MYO19: variants seen among roughly 807,000 people sequenced by gnomAD.
MYO19 encodes the protein myosin XIX.
A neutral mutation model predicts 129.2 loss-of-function variants in MYO19; 132 were observed. That is an observed-to-expected ratio of 1.02 (90% CI 0.89 to 1.18). The LOEUF is 1.18. MYO19 is among the 50% of genes most tolerant of loss of function. The pLI is 0.00. For missense variants in MYO19, 1,210 were observed against 1,216.7 expected (o/e 0.99, Z 0.08); for synonymous variants, 531 against 477.2 (o/e 1.11, Z -1.47).
At chr17:36,530,421 A>AG (rs774981529) in intron 3 of MYO19, among the ~76,000 whole-genome samples, 3 of 151,210 alleles carry the variant, frequency 2.0e-5, no homozygotes, top group Non-Finnish European at 4.4e-5. Context: ...ATCTGCCAAA[A>AG]GGGGTTAGCT....
chr17:36,514,276 G>A (rs371273336), intron 9 of MYO19, among the ~76,000 whole-genome samples, 170 bp downstream of exon 9: 19 of 152,204 alleles, frequency 1.2e-4, no homozygotes, highest in African/African-American at 3.4e-4. Flanking sequence ...GAGCCAAGGC[G>A]CAGTGTGAGG....
In MYO19 at chr17:36,510,745, C is replaced by A; in HGVS notation, c.1157+1G>T. On this transcript the variant is annotated splice_donor_variant, in intron 13 of 25. Transcript: ENST00000614623. LOFTEE classifies it high-confidence loss of function. ...AACAAGGGGCCAGAGTAACTGCTCA[C>A]CGCGCATAGATCAGTTTGGCCAGGC... The A allele has an allele frequency of 6.2e-7, 1 of 1,600,018 alleles. No homozygotes were observed. The highest frequency in any genetic ancestry group is 8.5e-7 in the Non-Finnish European group (1 of 1,171,828).
chr17:36,513,930 C>T (rs2072551663), intron 9 of MYO19, among the ~76,000 whole-genome samples: 1 of 152,216 alleles, frequency 6.6e-6, no homozygotes, highest in South Asian at 2.1e-4. Flanking sequence ...GCAAAAGAAC[C>T]TTGCTCTAGG....
At chr17:36,516,100 G>T in intron 6 of MYO19, 110 bp from the exon 7 acceptor site, 1 of 1,291,850 alleles carries the variant, frequency 7.7e-7, no homozygotes, top group Non-Finnish European at 1.0e-6. Flanking sequence ...GTGTGTTGCT[G>T]ACAAAATGGG....
chr17:36,544,611 C>T (rs908218689), upstream of MYO19, among the ~76,000 whole-genome samples: 1 of 152,214 alleles, frequency 6.6e-6, no homozygotes, highest in East Asian at 1.9e-4. Flanking sequence ...ACATAGACGA[C>T]ACCCTGACGT....
chr17:36,508,116 C>T (rs1421525228), intron 14 of MYO19, 192 bp from the exon 15 acceptor site: 2 of 513,262 alleles, frequency 3.9e-6, no homozygotes, highest in South Asian at 3.9e-5. Flanking sequence ...TGGCTCCCAT[C>T]TCTACCCCAT....
rs755634326 is a variant in MYO19, at chr17:36,515,866, T to C, written c.539A>G (p.Glu180Gly). The change falls in exon 7 of 26, where the codon GAA (glutamate) becomes GGA (glycine). Residue 180 changes from glutamate (E) to glycine (G), a missense_variant. Coordinates refer to ENST00000614623, the MANE Select transcript of MYO19 (RefSeq NM_001163735.2). ...AAGGAGCCCAAGCTCACCAAAAGCT[T>C]CCATGACAGGGTTGGAGTTCAGGAT... Reference protein sequence around the residue: ...QRILNSNPVMEAFGNACTLRN... With the variant: ...QRILNSNPVMGAFGNACTLRN... 6.2e-7 allele frequency: 1 copy of C among 1,612,328 alleles called. No individual in the cohort carries two copies. The highest frequency in any genetic ancestry group is 8.5e-7 in the Non-Finnish European group (1 of 1,178,612).
Position 36,498,310 on chromosome 17 carries a change from C to T in MYO19, c.2713G>A (p.Ala905Thr). 1.9e-6 allele frequency: 3 copies of T among 1,613,954 alleles called. No homozygotes were observed. Among genetic ancestry groups the T allele is most frequent in the Non-Finnish European group, 2.5e-6 (3 of 1,179,900 alleles). The change falls in exon 25 of 26, where the codon GCA becomes ACA. Residue 905 changes from alanine to threonine, a missense_variant. Physicochemically the swap from Ala to Thr is moderately conservative, Grantham distance 58 (BLOSUM62 0). Coordinates refer to ENST00000614623, the MANE Select transcript of MYO19 (RefSeq NM_001163735.2). ...GSPSSYTVQT[A>T]QDQAGVTSIR... ...GACGTGACACCAGCCTGGTCTTGTG[C>T]TGTCTGGACAGTGTAGCTACTGGGG...
chr17:36,514,634 T>C (rs2072613570), intron 8 of MYO19, 86 bp from the exon 9 acceptor site: 2 of 882,518 alleles, frequency 2.3e-6, no homozygotes, highest in Non-Finnish European at 1.9e-6. Flanking sequence ...GATTGCCTGC[T>C]ACCTGGCAAC....
chr17:36,541,008 A>G (rs2074194778), intron 2 of MYO19, among the ~76,000 whole-genome samples: 1 of 150,840 alleles, frequency 6.6e-6, no homozygotes, highest in African/African-American at 2.4e-5. Context: ...TTTTTTTTTG[A>G]GGCGCAGTCT....
chr17:36,518,061 G>A (rs2072874460), intron 6 of MYO19, among the ~76,000 whole-genome samples: 1 of 150,386 alleles, frequency 6.6e-6, no homozygotes, highest in Non-Finnish European at 1.5e-5. Flanking sequence ...TTGCACTCCA[G>A]CCTGGGCAAC....
upstream of MYO19, chr17:36,537,559 C>T (rs1345798353): frequency 6.2e-7 from 1 of 1,613,908 alleles, no homozygotes; most frequent in African/African-American, 1.3e-5. Flanking sequence ...CCACTTTTTC[C>T]CAGAAGATTT....
intron 14 of MYO19, 53 bp downstream of exon 14, chr17:36,509,009 G>A (rs1265246116): frequency 6.5e-7 from 1 of 1,528,324 alleles, no homozygotes; most frequent in Non-Finnish European, 9.0e-7. Flanking sequence ...TCTCCATCCA[G>A]GGCTTTATTG....
chr17:36,516,280 TA>T (rs1355037678), intron 6 of MYO19, among the ~76,000 whole-genome samples: 1 of 152,226 alleles, frequency 6.6e-6, no homozygotes, highest in African/African-American at 2.4e-5. Context: ...TACAATTGTT[TA>T]TAAACAATAA....
Position 36,501,055 on chromosome 17 carries a change from C to G in MYO19, c.2247+14G>C. On this transcript the variant is annotated intron_variant, in intron 22 of 25. Coordinates refer to ENST00000614623, the MANE Select transcript of MYO19 (RefSeq NM_001163735.2). Reference sequence around the variant, plus strand: ...GCTTGCCTCTGTAACCTCCTCATCCCCAAACCAGCTCACCATAGAGTCAGT... The same window carrying G: ...GCTTGCCTCTGTAACCTCCTCATCCGCAAACCAGCTCACCATAGAGTCAGT... 1 of 1,606,156 alleles carries G rather than the reference C, an allele frequency of 6.2e-7. No homozygotes were observed. The highest frequency in any genetic ancestry group is 1.1e-5 in the South Asian group (1 of 90,700).
upstream of MYO19, chr17:36,537,902 C>T (rs752485582): frequency 5.0e-6 from 8 of 1,614,034 alleles, no homozygotes; most frequent in East Asian, 4.5e-5. Flanking sequence ...TTGCCCTCGG[C>T]ATTACTGTAT....
upstream of MYO19, chr17:36,537,416 C>T (rs762452275): frequency 3.1e-6 from 5 of 1,613,984 alleles, no homozygotes; most frequent in Non-Finnish European, 4.2e-6. Flanking sequence ...CCTGCTATGC[C>T]AGACTGCCTT....
At chr17:36,507,536 T>A in intron 15 of MYO19, 24 bp from the exon 16 acceptor site, 1 of 1,607,426 alleles carries the variant, frequency 6.2e-7, no homozygotes, top group East Asian at 2.2e-5. Flanking sequence ...TGGGATGAGG[T>A]GGGAGAAGGC....
chr17:36,513,176 C>T, intron 11 of MYO19: 2 of 1,415,830 alleles, frequency 1.4e-6, no homozygotes, highest in Non-Finnish European at 1.8e-6. Flanking sequence ...TTGCTCTCTG[C>T]CCCCATGGAT....
Sources: gnomAD v4.1 joint callset for allele counts (sites outside exome capture counted in the v4.1 genomes callset) on GRCh38, gnomAD v4.1.1 for gene constraint, MANE v1.5 for transcripts, NCBI Gene and HGNC (gene_info 2026-07-23, HGNC 2026-07-21) for gene names.